PTK7: variants seen among roughly 807,000 people sequenced by gnomAD.
PTK7 encodes the protein inactive tyrosine-protein kinase 7.
In PTK7, 39 loss-of-function variants were observed where a neutral mutation model predicts 116.6. That is an observed-to-expected ratio of 0.33 (90% CI 0.26 to 0.44). The LOEUF (loss-of-function observed/expected upper bound fraction) is 0.44, where lower values mean the gene tolerates loss of function less well. Ranked by LOEUF, PTK7 falls within the 20% of genes least tolerant of loss-of-function variation. PTK7 has a pLI of 1.00. For missense variants in PTK7, 1,169 were observed against 1,425.6 expected, an observed-to-expected ratio of 0.82 and a Z score of 2.90; for synonymous variants, 546 against 563.6, an observed-to-expected ratio of 0.97 and a Z score of 0.44.
chr6:43,139,558 G>A lies in PTK7; in HGVS notation c.1618+33G>A. ...CAGTGCCGGCATAGGGTAGGGGCAG[G>A]CAGGCAGTTCACTGATCAGATACAT... On this transcript the variant is annotated intron_variant, in intron 10 of 19. Coordinates refer to ENST00000230419, the MANE Select transcript of PTK7 (RefSeq NM_002821.5). The surrounding 1 kb of genome is among the most constrained non-coding windows in gnomAD (Gnocchi z 4.6). 6.2e-7 allele frequency: 1 copy of A among 1,612,496 alleles called. No individual in the cohort carries two copies. The highest frequency in any genetic ancestry group is 8.5e-7 in the Non-Finnish European group (1 of 1,179,576).
chr6:43,147,748 A>G (rs1770806422), intron 17 of PTK7, among the ~76,000 whole-genome samples: 1 of 152,188 alleles, frequency 6.6e-6, no homozygotes, highest in Admixed American at 6.5e-5. Flanking sequence ...GAATTTACTA[A>G]GACCCAGACA....
chr6:43,080,176 C>A (rs993329739), intron 1 of PTK7, among the ~76,000 whole-genome samples: 50 of 151,582 alleles, frequency 3.3e-4, no homozygotes, highest in African/African-American at 1.2e-3. Context: ...CATGGTGAAA[C>A]CCCATCTCTA....
Position 43,161,078 on chromosome 6 carries a change from C to A in PTK7, c.*197C>A. 1.3e-6 allele frequency: 1 copy of A among 761,974 alleles called. No homozygotes were observed. The highest frequency in any genetic ancestry group is 2.1e-5 in the South Asian group (1 of 46,630). 47.2% of individuals were successfully genotyped at this position (761,974 alleles called of 1,614,324 possible). On this transcript the variant is annotated 3_prime_UTR_variant, in exon 20 of 20. Coordinates refer to ENST00000230419, the MANE Select transcript of PTK7 (RefSeq NM_002821.5). The stretch of plus-strand genomic sequence containing the variant: ...ATCCTTTGGGAGGCTGACTTGGACC[C>A]AAACTGGGCGACTAGGGCTTTGAGC...
chr6:43,110,974 C>T (rs891699351), intron 1 of PTK7, among the ~76,000 whole-genome samples: 2 of 152,190 alleles, frequency 1.3e-5, no homozygotes, highest in Non-Finnish European at 2.9e-5. Flanking sequence ...TTACTGTGTT[C>T]TCTTCACCTA....
chr6:43,079,649 G>A (rs1582044781), intron 1 of PTK7, among the ~76,000 whole-genome samples: 1 of 152,242 alleles, frequency 6.6e-6, no homozygotes, highest in East Asian at 1.9e-4. Context: ...AGAGTGCAGT[G>A]GCACAATCTT....
rs1195504348 is a variant in PTK7, at chr6:43,078,094, T to A, written c.79+1527T>A. Among the ~76,000 whole-genome samples, 2 of 152,244 alleles carry A rather than the reference T, an allele frequency of 1.3e-5. 1 individual carries two copies. The highest frequency in any genetic ancestry group is 4.8e-5 in the African/African-American group (2 of 41,464). On this transcript the variant is annotated intron_variant, in intron 1 of 19. Coordinates refer to ENST00000230419, the MANE Select transcript of PTK7 (RefSeq NM_002821.5). The stretch of plus-strand genomic sequence containing the variant: ...GGTTTTGGTGTGTGGGTCTGCCCAA[T>A]GAGGCTGCCTTCACTGCTGCTGTTC...
chr6:43,108,385 G>A (rs552161116), intron 1 of PTK7, among the ~76,000 whole-genome samples: 52 of 150,826 alleles, frequency 3.4e-4, no homozygotes, highest in Non-Finnish European at 6.9e-4. Flanking sequence ...ATGAGCCACC[G>A]CGCCCGGCCA....
At chr6:43,127,822 G>A (rs1408549399) in intron 1 of PTK7, among the ~76,000 whole-genome samples, 5 of 152,068 alleles carry the variant, frequency 3.3e-5, no homozygotes, top group Non-Finnish European at 7.4e-5. Flanking sequence ...CCAGCTACTC[G>A]GGAGGCTGAG....
chr6:43,160,133 T>A (rs1771761861), intron 19 of PTK7, 167 bp downstream of exon 19: 1 of 751,094 alleles, frequency 1.3e-6, no homozygotes, highest in Non-Finnish European at 2.1e-6. Context: ...GTTTTTCTTT[T>A]GAGACGGAGT....
chr6:43,128,889 C>G, intron 1 of PTK7, 88 bp from the exon 2 acceptor site: 1 of 1,393,624 alleles, frequency 7.2e-7, no homozygotes, highest in Non-Finnish European at 9.8e-7. Context: ...TGTACACAGC[C>G]CCTTTCCTCC....
chr6:43,118,887 G>A (rs1280224538), intron 1 of PTK7, among the ~76,000 whole-genome samples: 1 of 150,140 alleles, frequency 6.7e-6, no homozygotes, highest in Non-Finnish European at 1.5e-5. Context: ...TCTCACTTCA[G>A]CCTCCCAAGT....
In PTK7 at chr6:43,087,975, C is replaced by T. The variant is rs537759135; in HGVS notation, c.79+11408C>T. ...GGAAAGAAACTGAGGCACAAAAGTA[C>T]GATCTGCCTAGCACTACAGAGCTGG... On this transcript the variant is annotated intron_variant, in intron 1 of 19. Coordinates refer to ENST00000230419, the MANE Select transcript of PTK7 (RefSeq NM_002821.5). Among the ~76,000 whole-genome samples the T allele has an allele frequency of 9.9e-5, 15 of 152,216 alleles. No individual in the cohort carries two copies. In the South Asian group the frequency reaches 2.5e-3, roughly 25 times the overall value.
rs1360230432 is a variant in PTK7 at position 43,076,769 on chromosome 6, A to G, written c.79+202A>G. On this transcript the variant is annotated intron_variant, in intron 1 of 19. Coordinates refer to ENST00000230419, the MANE Select transcript of PTK7 (RefSeq NM_002821.5). This position sits in a 1 kb window ranked among gnomAD's most constrained non-coding sequence, Gnocchi z 5.7. Reference sequence around the variant, plus strand: ...TGGCGAAGCCTCCAGGGACGCGGTCAGGGTACCCCTCCCACTCGCGCCGCG... The same window carrying G: ...TGGCGAAGCCTCCAGGGACGCGGTCGGGGTACCCCTCCCACTCGCGCCGCG... 5 of 1,395,740 alleles carry G rather than the reference A, an allele frequency of 3.6e-6. No individual in the cohort carries two copies. The highest frequency in any genetic ancestry group is 3.7e-6 in the Non-Finnish European group (4 of 1,074,326). The allele number at this position is 1,395,740 out of a possible 1,614,324, so 86.5% of individuals were successfully genotyped here.
intron 17 of PTK7, among the ~76,000 whole-genome samples, chr6:43,154,628 A>G (rs561593225): frequency 6.6e-6 from 1 of 152,314 alleles, no homozygotes; most frequent in African/African-American, 2.4e-5. Context: ...CATAGTTAGC[A>G]AAGCACCAGT....
Position 43,145,292 on chromosome 6 carries a change from A to G in PTK7, c.2500A>G (p.Ser834Gly), listed in dbSNP as rs1561980384. 1.9e-6 allele frequency: 3 copies of G among 1,614,064 alleles called. No individual in the cohort carries two copies. The highest frequency in any genetic ancestry group is 2.5e-6 in the Non-Finnish European group (3 of 1,179,982). The change falls in exon 16 of 20, where the codon AGC becomes GGC. Residue 834 changes from serine (S) to glycine (G), a missense_variant. Physicochemically the swap from Ser to Gly is moderately conservative, Grantham distance 56. Transcript: ENST00000230419. The surrounding 1 kb of genome is among the most constrained non-coding windows in gnomAD (Gnocchi z 4.8). The part of the protein sequence containing the change: ...ETLVLVKSLQ[S>G]KDEQQQLDFR... The stretch of plus-strand genomic sequence containing the variant: ...CCTGGTACTTGTGAAGAGCCTGCAG[A>G]GCAAGGATGAGCAGCAGCAGCTGGA...
rs1769506549 is a variant in PTK7, at chr6:43,129,279, G to A, written c.367+15G>A. On this transcript the variant is annotated intron_variant, in intron 2 of 19. Transcript: ENST00000230419. The surrounding 1 kb of genome is among the most constrained non-coding windows in gnomAD (Gnocchi z 4.5). The stretch of plus-strand genomic sequence containing the variant: ...CAACATCAAATGTGAGAGCCAGGGG[G>A]GCTGTGCCCAGTCCCCCTGTCAGAC... 3 of 1,613,748 alleles carry A rather than the reference G, an allele frequency of 1.9e-6. No individual in the cohort carries two copies. Among genetic ancestry groups the A allele is most frequent in the Non-Finnish European group, 2.5e-6 (3 of 1,179,940 alleles).
chr6:43,080,282 G>A lies in PTK7; in HGVS notation c.79+3715G>A, dbSNP rs181396304. Among the ~76,000 whole-genome samples the A allele has an allele frequency of 6.9e-3, 1,057 of 152,130 alleles. 3 individuals carry two copies. The highest frequency in any genetic ancestry group is 0.011 in the Non-Finnish European group (777 of 68,004). On this transcript the variant is annotated intron_variant, in intron 1 of 19. Coordinates refer to ENST00000230419, the MANE Select transcript of PTK7 (RefSeq NM_002821.5). ...CAGGAGAATGGCGTGAACCCGGGAG[G>A]CAGAGCTTGCAGTGAGCCGAGATTG...
Position 43,158,807 on chromosome 6 carries a change from A to T in PTK7, c.2722-10A>T. 6.2e-7 allele frequency: 1 copy of T among 1,613,170 alleles called. No homozygotes were observed. Among genetic ancestry groups the T allele is most frequent in the Non-Finnish European group, 8.5e-7 (1 of 1,179,598 alleles). On this transcript the variant is annotated splice_polypyrimidine_tract_variant and intron_variant, in intron 17 of 19. Coordinates refer to ENST00000230419, the MANE Select transcript of PTK7 (RefSeq NM_002821.5). The stretch of plus-strand genomic sequence containing the variant: ...CTGGGCTGCTCTAACAGGCCCCTTT[A>T]TCTCTCCAGGTGGCCCTATGCACCC...
At chr6:43,103,739 G>T (rs1159942347) in intron 1 of PTK7, among the ~76,000 whole-genome samples, 2 of 152,146 alleles carry the variant, frequency 1.3e-5, no homozygotes, top group African/African-American at 2.4e-5. Context: ...GGGTGCCTGG[G>T]GGCATGACTC....
Sources: allele counts gnomAD v4.1 joint callset (sites outside exome capture counted in the v4.1 genomes callset), GRCh38; gene constraint gnomAD v4.1.1; non-coding constraint Gnocchi (gnomAD v3.1); transcripts MANE v1.5; gene names NCBI Gene and HGNC (gene_info 2026-07-23, HGNC 2026-07-21).